The following CCDC15 variants were observed in gnomAD, a reference collection of about 807,000 sequenced individuals.
CCDC15 encodes the protein coiled-coil domain-containing protein 15.
A neutral mutation model predicts 114.5 loss-of-function variants in CCDC15; 105 were observed. The ratio of observed to expected loss-of-function variants is 0.92; its 90% CI spans 0.78 to 1.08. The LOEUF (loss-of-function observed/expected upper bound fraction) is 1.08, where lower values mean the gene tolerates loss of function less well. Among genes scored for constraint, CCDC15 ranks in the 50% least tolerant of loss-of-function variants. CCDC15 has a pLI of 0.00. For synonymous variants in CCDC15, 334 were observed against 377.8 expected (o/e 0.88, Z 1.34); for missense variants, 1,105 against 1,093.6 (o/e 1.01, Z -0.15).
chr11:124,958,441 C>T (rs986231649), intron 2 of CCDC15, among the ~76,000 whole-genome samples: 6 of 151,726 alleles, frequency 4.0e-5, no homozygotes, highest in African/African-American at 1.5e-4. Flanking sequence ...CCCAGGGAAG[C>T]CAAAATATTG....
Position 124,977,645 on chromosome 11 carries a change from G to A in CCDC15, c.753+45G>A, listed in dbSNP as rs773685842. 7 of 1,570,280 alleles carry A rather than the reference G, an allele frequency of 4.5e-6. No individual in the cohort carries two copies. In the South Asian group the frequency reaches 8.4e-5, roughly 19 times the overall value. On this transcript the variant is annotated intron_variant, in intron 6 of 15. Coordinates refer to ENST00000344762, the MANE Select transcript of CCDC15 (RefSeq NM_025004.3). ...AGAGGGGAAAGACATTGGCTTATTA[G>A]AAGTATCCACAGCTAACTAAGGATG...
At position 125,040,579 on chromosome 11, in the gene CCDC15, T is replaced by A. The variant is rs1464387256; in HGVS notation, c.2735-11T>A. On this transcript the variant is annotated splice_polypyrimidine_tract_variant and intron_variant, in intron 15 of 15. Coordinates refer to ENST00000344762, the MANE Select transcript of CCDC15 (RefSeq NM_025004.3). Reference sequence around the variant, plus strand: ...GACTTTATTCATTGCTGTGCAAACCTTTTTTTGCAGCATATACTCGGGCAC... The same window carrying A: ...GACTTTATTCATTGCTGTGCAAACCATTTTTTGCAGCATATACTCGGGCAC... 2.5e-6 allele frequency: 4 copies of A among 1,588,468 alleles called. No homozygotes were observed. The highest frequency in any genetic ancestry group is 2.3e-5 in the South Asian group (2 of 87,546).
intron 13 of CCDC15, among the ~76,000 whole-genome samples, chr11:125,027,742 G>A (rs1046334916): frequency 6.6e-6 from 1 of 151,546 alleles, no homozygotes; most frequent in African/African-American, 2.4e-5. Flanking sequence ...GTTTAATTAG[G>A]TACCATTTAT....
intron 13 of CCDC15, among the ~76,000 whole-genome samples, chr11:125,021,123 G>A (rs1948658168): frequency 6.6e-6 from 1 of 151,768 alleles, no homozygotes; most frequent in Non-Finnish European, 1.5e-5. Context: ...AAAGGAGAAG[G>A]CCTAAAATGG....
intron 10 of CCDC15, 73 bp from the exon 11 acceptor site, chr11:124,993,096 G>A: frequency 1.1e-6 from 1 of 879,052 alleles, no homozygotes; most frequent in South Asian, 1.4e-5. Flanking sequence ...GATTGTCACT[G>A]AAGTCTATAA....
intron 9 of CCDC15, 53 bp from the exon 10 acceptor site, chr11:124,992,526 CA>C (rs1473049933): frequency 1.7e-5 from 17 of 991,260 alleles, no homozygotes; most frequent in African/African-American, 4.9e-5. Flanking sequence ...TTATGATTAG[CA>C]TTACACAATT....
At position 125,015,625 on chromosome 11, in the gene CCDC15, C is replaced by T. The variant is rs888283252; in HGVS notation, c.2411+10413C>T. On this transcript the variant is annotated intron_variant, in intron 13 of 15. Transcript: ENST00000344762. Reference sequence around the variant, plus strand: ...AGAAAAATCCAGGTTCAGATTCCAGCTCATATATCTTCACTGGGGAATTCT... The same window carrying T: ...AGAAAAATCCAGGTTCAGATTCCAGTTCATATATCTTCACTGGGGAATTCT... Among the ~76,000 whole-genome samples the T allele has an allele frequency of 2.6e-5, 4 of 152,080 alleles. No individual in the cohort carries two copies. In the South Asian group the frequency reaches 8.3e-4, roughly 31 times the overall value.
At chr11:124,978,629 T>C (rs1166832075) in intron 6 of CCDC15, among the ~76,000 whole-genome samples, 1 of 152,168 alleles carries the variant, frequency 6.6e-6, no homozygotes, top group Non-Finnish European at 1.5e-5. Flanking sequence ...TCTTTTGAAG[T>C]GTCTGTTAAT....
chr11:125,030,629 C>T (rs746830469), intron 13 of CCDC15, among the ~76,000 whole-genome samples: 21 of 152,196 alleles, frequency 1.4e-4, no homozygotes, highest in Non-Finnish European at 2.2e-4. Flanking sequence ...AGATAGCTGG[C>T]TGATCACCCT....
intron 13 of CCDC15, among the ~76,000 whole-genome samples, chr11:125,020,898 G>A (rs560936494): frequency 2.1e-4 from 32 of 151,850 alleles, no homozygotes; most frequent in African/African-American, 6.7e-4. Context: ...TTCTTAACCT[G>A]TGAATCTGAC....
intron 13 of CCDC15, among the ~76,000 whole-genome samples, chr11:125,024,056 A>T (rs1948679160): frequency 6.6e-6 from 1 of 152,002 alleles, no homozygotes; most frequent in African/African-American, 2.4e-5. Context: ...GGGGAAATTT[A>T]TGATATGAAA....
intron 11 of CCDC15, among the ~76,000 whole-genome samples, chr11:124,999,632 GTTTTTA>G (rs1392074129): frequency 6.6e-6 from 1 of 151,494 alleles, no homozygotes; most frequent in African/African-American, 2.4e-5. Context: ...TTTTTTAATA[GTTTTTA>G]TTTTTGTGGT....
chr11:125,029,641 G>C, intron 13 of CCDC15, among the ~76,000 whole-genome samples: 1 of 152,202 alleles, frequency 6.6e-6, no homozygotes, highest in African/African-American at 2.4e-5. Flanking sequence ...TCATGTGATT[G>C]TAGCTGGTAT....
intron 6 of CCDC15, among the ~76,000 whole-genome samples, chr11:124,979,509 G>A (rs1278643070): frequency 6.6e-6 from 1 of 152,062 alleles, no homozygotes; most frequent in Admixed American, 6.5e-5. Context: ...TCCTTAGTTA[G>A]CTGTATTCCT....
intron 4 of CCDC15, among the ~76,000 whole-genome samples, chr11:124,971,932 C>T (rs1947889071): frequency 6.6e-6 from 1 of 151,872 alleles, no homozygotes; most frequent in Middle Eastern, 3.2e-3. Context: ...CCCCTGCCAC[C>T]ACTACACATG....
At chr11:125,028,469 T>A (rs1383504980) in intron 13 of CCDC15, among the ~76,000 whole-genome samples, 3 of 152,182 alleles carry the variant, frequency 2.0e-5, no homozygotes, top group African/African-American at 7.2e-5. Context: ...CTTGTAGAGA[T>A]CTTTCACCCC....
chr11:125,005,892 T>A (rs1948548227), intron 13 of CCDC15, among the ~76,000 whole-genome samples: 1 of 152,204 alleles, frequency 6.6e-6, no homozygotes, highest in African/African-American at 2.4e-5. Context: ...TATGGCTTGA[T>A]AGCTCATTTA....
intron 15 of CCDC15, 63 bp from the exon 16 acceptor site, chr11:125,040,527 A>G (rs894110188): frequency 7.4e-6 from 11 of 1,496,352 alleles, no homozygotes; most frequent in Non-Finnish European, 9.9e-6. Context: ...CTAATAAGAT[A>G]GAGGCTGGTA....
intron 13 of CCDC15, among the ~76,000 whole-genome samples, chr11:125,011,536 G>A (rs560330286): frequency 2.6e-5 from 4 of 152,092 alleles, no homozygotes; most frequent in East Asian, 3.9e-4. Flanking sequence ...ATGCCCGGCC[G>A]AAGTATTCTT....
Sources: gnomAD v4.1 joint callset for allele counts (sites outside exome capture counted in the v4.1 genomes callset) on GRCh38, gnomAD v4.1.1 for gene constraint, MANE v1.5 for transcripts, NCBI Gene and HGNC (gene_info 2026-07-23, HGNC 2026-07-21) for gene names.